The following UNC13C variants were observed in gnomAD, a reference collection of about 807,000 sequenced individuals.
UNC13C encodes the protein unc-13 homolog C.
A neutral mutation model predicts 245.4 loss-of-function variants in UNC13C; 174 were observed. The observed-to-expected ratio is 0.71, with a 90% CI of 0.63 to 0.80. UNC13C has a LOEUF of 0.80. Ranked by LOEUF, UNC13C falls within the 30% of genes least tolerant of loss-of-function variation. The pLI is 0.00. For missense variants in UNC13C, 2,829 were observed against 2,602.9 expected (o/e 1.09, Z -1.89); for synonymous variants, 992 against 895.1 (o/e 1.11, Z -1.93).
chr15:54,455,383 G>A (rs895379037), intron 19 of UNC13C, among the ~76,000 whole-genome samples: 13 of 150,648 alleles, frequency 8.6e-5, no homozygotes, highest in South Asian at 4.2e-4. Flanking sequence ...CCCAGTAGAC[G>A]GATTGCTGGA....
chr15:54,611,224 A>G (rs1900074939), intron 30 of UNC13C, among the ~76,000 whole-genome samples: 1 of 152,208 alleles, frequency 6.6e-6, no homozygotes, highest in African/African-American at 2.4e-5. Flanking sequence ...GATATTGCTG[A>G]GTGTGATAAG....
the UNC13C span, among the ~76,000 whole-genome samples, chr15:53,923,298 C>T: frequency 6.6e-6 from 1 of 152,194 alleles, no homozygotes; most frequent in Admixed American, 6.5e-5. Context: ...CCTCAGAATC[C>T]AGACTACTGC....
the UNC13C span, among the ~76,000 whole-genome samples, chr15:53,869,761 G>T: frequency 6.6e-6 from 1 of 152,182 alleles, no homozygotes; most frequent in South Asian, 2.1e-4. Flanking sequence ...CATTTATTCA[G>T]TATAGATTAA....
At chr15:53,893,872 C>T in the UNC13C span, among the ~76,000 whole-genome samples, 10 of 152,282 alleles carry the variant, frequency 6.6e-5, no homozygotes, top group Admixed American at 3.3e-4. Flanking sequence ...GGTTCCGTCT[C>T]GCTGACATTC....
chr15:54,094,681 G>C (rs1027176440), intron 2 of UNC13C, among the ~76,000 whole-genome samples: 1 of 152,072 alleles, frequency 6.6e-6, no homozygotes, highest in African/African-American at 2.4e-5. Flanking sequence ...CTTCCCTAAA[G>C]TCTTAGTTCA....
At chr15:54,427,196 T>C (rs2140969389) in intron 19 of UNC13C, among the ~76,000 whole-genome samples, 1 of 151,870 alleles carries the variant, frequency 6.6e-6, no homozygotes, top group South Asian at 2.1e-4. Flanking sequence ...TCGAATTGTG[T>C]CTCCCAGAAT....
intron 17 of UNC13C, among the ~76,000 whole-genome samples, chr15:54,377,902 A>G (rs2039640719): frequency 6.6e-6 from 1 of 152,174 alleles, no homozygotes; most frequent in Non-Finnish European, 1.5e-5. Flanking sequence ...TCACTTATGG[A>G]TTACATTTTC....
intron 30 of UNC13C, among the ~76,000 whole-genome samples, chr15:54,610,633 G>A (rs1206546146): frequency 6.6e-6 from 1 of 152,124 alleles, no homozygotes; most frequent in South Asian, 2.1e-4. Context: ...ACATATGCCA[G>A]GTATTTTAAG....
At chr15:54,201,120 A>T (rs574329768) in intron 4 of UNC13C, among the ~76,000 whole-genome samples, 12 of 152,182 alleles carry the variant, frequency 7.9e-5, no homozygotes, top group African/African-American at 2.9e-4. Flanking sequence ...CCAGGAAGAT[A>T]TAGAATCTCT....
At chr15:54,141,929 G>T (rs2032041202) in intron 2 of UNC13C, among the ~76,000 whole-genome samples, 1 of 151,904 alleles carries the variant, frequency 6.6e-6, no homozygotes. Context: ...CATCTGTAAG[G>T]GTCATCATTG....
chr15:54,555,285 C>A (rs1362564986), intron 28 of UNC13C, 147 bp from the exon 29 acceptor site: 3 of 629,704 alleles, frequency 4.8e-6, no homozygotes, highest in Non-Finnish European at 8.3e-6. Flanking sequence ...AAATATATGA[C>A]AATCATTTTA....
chr15:54,046,023 C>G (rs559455695), intron 2 of UNC13C, among the ~76,000 whole-genome samples: 2 of 152,270 alleles, frequency 1.3e-5, no homozygotes, highest in South Asian at 4.1e-4. Flanking sequence ...TCATTTCTCA[C>G]TTTGATATTC....
At chr15:53,932,404 C>T in the UNC13C span, among the ~76,000 whole-genome samples, 1 of 152,124 alleles carries the variant, frequency 6.6e-6, no homozygotes, top group Non-Finnish European at 1.5e-5. Flanking sequence ...GAATAATATT[C>T]ACAGGTACCC....
chr15:54,607,907 G>A (rs543035138), intron 30 of UNC13C, among the ~76,000 whole-genome samples: 12 of 152,254 alleles, frequency 7.9e-5, no homozygotes, highest in Admixed American at 2.6e-4. Context: ...TAAGATTTGG[G>A]TGGGGACACA....
the UNC13C span, among the ~76,000 whole-genome samples, chr15:53,953,026 G>T: frequency 6.6e-6 from 1 of 152,186 alleles, no homozygotes; most frequent in Non-Finnish European, 1.5e-5. Context: ...TTCGAAACCT[G>T]AAGTGAAATA....
At chr15:54,436,543 C>T (rs1890230377) in intron 19 of UNC13C, among the ~76,000 whole-genome samples, 1 of 151,968 alleles carries the variant, frequency 6.6e-6, no homozygotes, top group Non-Finnish European at 1.5e-5. Flanking sequence ...AACCATCATT[C>T]TCAGCAAACT....
chr15:54,300,483 A>G, intron 13 of UNC13C, 110 bp downstream of exon 13: 1 of 1,117,350 alleles, frequency 8.9e-7, no homozygotes, highest in Non-Finnish European at 1.2e-6. Context: ...AAAGAGGATT[A>G]TATTTCACTG....
At position 54,627,029 on chromosome 15, in the gene UNC13C, A is replaced by T; in HGVS notation, c.6561A>T (p.Ile2187=). 1 of 1,613,302 alleles carries T rather than the reference A, an allele frequency of 6.2e-7. No homozygotes were observed. Among genetic ancestry groups the T allele is most frequent in the African/African-American group, 1.3e-5 (1 of 75,002 alleles). The change falls in exon 33 of 33, where the codon ATA becomes ATT. Residue 2187 remains isoleucine, a synonymous_variant. Coordinates refer to ENST00000260323, the MANE Select transcript of UNC13C (RefSeq NM_001080534.3). Reference sequence around the variant, plus strand: ...AAACTGGTTTGACTATCCTTAGAATACTCTCTCAGAGGACCAGTGATGATG... The same window carrying T: ...AAACTGGTTTGACTATCCTTAGAATTCTCTCTCAGAGGACCAGTGATGATG... ...MDETGLTILR[I]LSQRTSDDVA...
chr15:54,496,607 A>G (rs989497282), intron 20 of UNC13C, among the ~76,000 whole-genome samples: 2 of 152,078 alleles, frequency 1.3e-5, no homozygotes, highest in Admixed American at 1.3e-4. Context: ...ATATATATAT[A>G]TATGTACACC....
Sources: allele counts gnomAD v4.1 joint callset (sites outside exome capture counted in the v4.1 genomes callset), GRCh38; gene constraint gnomAD v4.1.1; transcripts MANE v1.5; gene names NCBI Gene and HGNC (gene_info 2026-07-23, HGNC 2026-07-21).